The following KCNV2 variants were observed in gnomAD, a reference collection of about 807,000 sequenced individuals.
KCNV2 encodes the protein potassium voltage-gated channel subfamily V member 2.
Under a neutral mutation model 37.0 loss-of-function variants are expected in KCNV2, and 65 were observed. The observed-to-expected ratio is 1.76, with a 90% CI of 1.44 to 2.16. The LOEUF is 2.16. Among genes scored for constraint, KCNV2 ranks in the 30% most tolerant of loss-of-function variants. KCNV2 has a pLI of 0.00. For missense variants in KCNV2, 1,232 were observed against 766.7 expected (o/e 1.61, Z -7.17); for synonymous variants, 518 against 328.6 (o/e 1.58, Z -6.23).
Position 2,718,810 on chromosome 9 carries a change from C to G in KCNV2, c.1071C>G (p.Gly357=). Residue 357 remains glycine, a synonymous_variant, in exon 1 of 2, where the codon GGC becomes GGG. Coordinates refer to ENST00000382082, the MANE Select transcript of KCNV2 (RefSeq NM_133497.4). ...YLQLLLECFT[G]EGHQRGQTVG... ...AGCTGCTGCTCGAGTGCTTCACGGG[C>G]GAGGGCCACCAACGCGGCCAGACGG... 6.2e-7 allele frequency: 1 copy of G among 1,610,256 alleles called. No homozygotes were observed. The highest frequency in any genetic ancestry group is 1.1e-5 in the South Asian group (1 of 91,084).
At chr9:2,728,403 G>T (rs928967554) in intron 1 of KCNV2, among the ~76,000 whole-genome samples, 2 of 152,172 alleles carry the variant, frequency 1.3e-5, no homozygotes, top group Non-Finnish European at 2.9e-5. Flanking sequence ...AATACTCTGG[G>T]GATCAGAGGG....
intron 1 of KCNV2, among the ~76,000 whole-genome samples, chr9:2,725,293 T>C (rs957682553): frequency 1.1e-4 from 16 of 152,218 alleles, no homozygotes; most frequent in African/African-American, 3.4e-4. Context: ...ATCCTGAAGG[T>C]AGTCACCCAT....
chr9:2,722,786 C>G (rs12343218), intron 1 of KCNV2, among the ~76,000 whole-genome samples: 21,510 of 152,012 alleles, frequency 0.14, 2,508 homozygotes, highest in African/African-American at 0.32. Context: ...TCATGAGGCT[C>G]TTGTTACTCA....
intron 1 of KCNV2, among the ~76,000 whole-genome samples, chr9:2,728,913 G>GAA (rs898481035): frequency 2.7e-5 from 4 of 150,584 alleles, no homozygotes; most frequent in Non-Finnish European, 5.9e-5. Flanking sequence ...AAGAAAAAGA[G>GAA]AGAGAGAGAG....
intron 1 of KCNV2, 126 bp from the exon 2 acceptor site, chr9:2,729,320 C>T (rs1047197092): frequency 1.9e-5 from 19 of 1,007,382 alleles, no homozygotes; most frequent in Admixed American, 7.6e-5. Flanking sequence ...AAGCAGGCTC[C>T]GTGGGAAGCC....
In KCNV2 at chr9:2,718,776, T is replaced by G; in HGVS notation, c.1037T>G (p.Leu346Arg). 1 of 1,611,242 alleles carries G rather than the reference T, an allele frequency of 6.2e-7. No homozygotes were observed. Among genetic ancestry groups the G allele is most frequent in the Non-Finnish European group, 8.5e-7 (1 of 1,179,876 alleles). Residue 346 changes from leucine (L) to arginine (R), a missense_variant, in exon 1 of 2, where the codon CTC becomes CGC. Transcript: ENST00000382082. ...GTGGACCTGGTGGCCATCCTGCCGC[T>G]CTACCTTCAGCTGCTGCTCGAGTGC... is the stretch of plus-strand genomic sequence containing the variant. The part of the protein sequence containing the change: ...NLVDLVAILP[L>R]YLQLLLECFT...
rs750673481 is a variant in KCNV2 at position 2,718,924 on chromosome 9, C to T, written c.1185C>T (p.Thr395=). The T allele has an allele frequency of 7.5e-6, 12 of 1,609,202 alleles. No individual in the cohort carries two copies. In the African/African-American group the frequency reaches 9.3e-5, roughly 13 times the overall value. ...TCCTCAAGCTGGCGCGCCACTCCACCGGACTGCGTGCCTTCGGCTTCACGC... is the reference window on the plus strand; with the variant it reads ...TCCTCAAGCTGGCGCGCCACTCCACTGGACTGCGTGCCTTCGGCTTCACGC... ...FRILKLARHS[T]GLRAFGFTLR... The change falls in exon 1 of 2, where the codon ACC becomes ACT. Residue 395 remains threonine, a synonymous_variant. Coordinates refer to ENST00000382082, the MANE Select transcript of KCNV2 (RefSeq NM_133497.4).
At chr9:2,729,164 G>A (rs111425354) in intron 1 of KCNV2, among the ~76,000 whole-genome samples, 1,885 of 152,276 alleles carry the variant, frequency 0.012, 34 homozygotes, top group African/African-American at 0.043. Context: ...ACCATTTCAA[G>A]TAGGTATTAC....
chr9:2,721,249 A>G (rs10812526), intron 1 of KCNV2, among the ~76,000 whole-genome samples: 67,024 of 151,954 alleles, frequency 0.44, 15,236 homozygotes, highest in East Asian at 0.74. Context: ...AATTATTTAT[A>G]CCAGTAAAAT....
chr9:2,718,450 C>A lies in KCNV2; in HGVS notation c.711C>A (p.Arg237=), dbSNP rs2130861070. Residue 237 remains arginine, a synonymous_variant, in exon 1 of 2, where the codon CGC becomes CGA. Transcript: ENST00000382082. Reference sequence around the variant, plus strand: ...CGGAGGAACTCTTCCGCGACATGCGCTTCTACGGCCCGCAGCGGCGCCGCC... The same window carrying A: ...CGGAGGAACTCTTCCGCGACATGCGATTCTACGGCCCGCAGCGGCGCCGCC... ...EEAEELFRDM[R]FYGPQRRRLW... is the part of the protein sequence containing the mutation. 6.2e-7 allele frequency: 1 copy of A among 1,607,816 alleles called. No individual in the cohort carries two copies. The highest frequency in any genetic ancestry group is 8.5e-7 in the Non-Finnish European group (1 of 1,177,828).
Position 2,717,642 on chromosome 9 carries a change from G to C in KCNV2, c.-98G>C. Reference sequence around the variant, plus strand: ...GGTCCGGGCTGGCCTCTCTAAGACAGTGCAGGCCACGTGATCCATCCTCCT... The same window carrying C: ...GGTCCGGGCTGGCCTCTCTAAGACACTGCAGGCCACGTGATCCATCCTCCT... On this transcript the variant is annotated 5_prime_UTR_variant, in exon 1 of 2. Coordinates refer to ENST00000382082, the MANE Select transcript of KCNV2 (RefSeq NM_133497.4). The C allele has an allele frequency of 2.0e-6, 3 of 1,506,066 alleles. No individual in the cohort carries two copies. Among genetic ancestry groups the C allele is most frequent in the East Asian group, 2.3e-5 (1 of 44,284 alleles). 93.3% of individuals were successfully genotyped at this position (1,506,066 alleles called of 1,614,324 possible).
At chr9:2,722,352 GTTAT>G (rs551026165) in intron 1 of KCNV2, among the ~76,000 whole-genome samples, 1 of 136,342 alleles carries the variant, frequency 7.3e-6, no homozygotes, top group African/African-American at 2.9e-5. Flanking sequence ...TAAATTAGAA[GTTAT>G]TTATAAATAA....
chr9:2,723,791 ACTT>A (rs1255536680), intron 1 of KCNV2, among the ~76,000 whole-genome samples: 3 of 152,218 alleles, frequency 2.0e-5, no homozygotes, highest in African/African-American at 7.2e-5. Flanking sequence ...TCATGGGAGA[ACTT>A]CTGAGAGTCC....
At position 2,719,083 on chromosome 9, in the gene KCNV2, G is replaced by T; in HGVS notation, c.1344G>T (p.Trp448Cys). The change falls in exon 1 of 2, where the codon TGG (tryptophan) becomes TGT (cysteine). Residue 448 changes from tryptophan to cysteine, a missense_variant. Trp to Cys is a radical substitution (Grantham distance 215). Coordinates refer to ENST00000382082, the MANE Select transcript of KCNV2 (RefSeq NM_133497.4). ...ACTTCACTACCATCCCCCACTCCTGGTGGTGGGCCGCGGTGAGTACCTTTG... is the reference window on the plus strand; with the variant it reads ...ACTTCACTACCATCCCCCACTCCTGTTGGTGGGCCGCGGTGAGTACCTTTG... ...STNFTTIPHSWWWAAVSISTV... is the reference protein window; with the variant it reads ...STNFTTIPHSCWWAAVSISTV... 6.2e-7 allele frequency: 1 copy of T among 1,610,350 alleles called. No individual in the cohort carries two copies.
In KCNV2 at chr9:2,729,749, G is replaced by C; in HGVS notation, c.*22G>C. The stretch of plus-strand genomic sequence containing the variant: ...TTAGTATTTTATAGGACATGTGGCT[G>C]GTAGATTCCATGAACTTCAAGGCTT... On this transcript the variant is annotated 3_prime_UTR_variant, in exon 2 of 2. Transcript: ENST00000382082. The C allele has an allele frequency of 1.9e-6, 3 of 1,612,430 alleles. No individual in the cohort carries two copies. The highest frequency in any genetic ancestry group is 2.5e-6 in the Non-Finnish European group (3 of 1,178,632).
At position 2,717,977 on chromosome 9, in the gene KCNV2, G is replaced by C. The variant is rs1819768982; in HGVS notation, c.238G>C (p.Glu80Gln). The C allele has an allele frequency of 6.2e-7, 1 of 1,614,138 alleles. No individual in the cohort carries two copies. Residue 80 changes from glutamate (E) to glutamine (Q), a missense_variant, in exon 1 of 2, where the codon GAG (glutamate) becomes CAG (glutamine). Glu to Gln is a conservative substitution (Grantham distance 29). Coordinates refer to ENST00000382082, the MANE Select transcript of KCNV2 (RefSeq NM_133497.4). ...DLAEEDQQAGEVTTAKPEGPS... is the reference protein window; with the variant it reads ...DLAEEDQQAGQVTTAKPEGPS... ...GGCAGAAGAGGACCAGCAGGCAGGG[G>C]AGGTCACCACCGCCAAGCCCGAGGG...
At chr9:2,724,503 C>G (rs1166666336) in intron 1 of KCNV2, among the ~76,000 whole-genome samples, 1 of 151,952 alleles carries the variant, frequency 6.6e-6, no homozygotes, top group Non-Finnish European at 1.5e-5. Flanking sequence ...TGAGATAATC[C>G]AGAGATTGGT....
At position 2,729,672 on chromosome 9, in the gene KCNV2, T is replaced by C. The variant is rs755927542; in HGVS notation, c.1583T>C (p.Ile528Thr). Residue 528 changes from isoleucine (I) to threonine (T), a missense_variant, in exon 2 of 2, where the codon ATA (isoleucine) becomes ACA (threonine). Physicochemically the swap from Ile to Thr is moderately conservative, Grantham distance 89. Transcript: ENST00000382082. ...TTCATGCAGAGAGCCAGAAAGAAGA[T>C]AGCTGAGTGTTTGCTTGGAAGCAAC... ...VNFMQRARKK[I>T]AECLLGSNPQ... The C allele has an allele frequency of 2.5e-6, 4 of 1,614,014 alleles. No individual in the cohort carries two copies. The highest frequency in any genetic ancestry group is 1.7e-5 in the Admixed American group (1 of 59,986).
Position 2,726,847 on chromosome 9 carries a change from T to G in KCNV2, c.1357-2599T>G, listed in dbSNP as rs140147577. 3.0e-4 allele frequency among the ~76,000 whole-genome samples: 46 copies of G among 152,128 alleles called. No homozygotes were observed. In the East Asian group the frequency reaches 4.3e-3, roughly 14 times the overall value. ...CCACAGCGTTAGATTCTCATAGGAGTGGGAACCCTATTGTTAACTGCGCAT... is the reference window on the plus strand; with the variant it reads ...CCACAGCGTTAGATTCTCATAGGAGGGGGAACCCTATTGTTAACTGCGCAT... On this transcript the variant is annotated intron_variant, in intron 1 of 1. Coordinates refer to ENST00000382082, the MANE Select transcript of KCNV2 (RefSeq NM_133497.4).
Sources: allele counts gnomAD v4.1 joint callset (sites outside exome capture counted in the v4.1 genomes callset), GRCh38; gene constraint gnomAD v4.1.1; transcripts MANE v1.5; gene names NCBI Gene and HGNC (gene_info 2026-07-23, HGNC 2026-07-21).